Variants in KHDRBS3 observed in about 807,000 individuals in gnomAD.
KHDRBS3 encodes KH domain-containing, RNA-binding, signal transduction-associated protein 3.
In KHDRBS3, 23 loss-of-function variants were observed where a neutral mutation model predicts 45.6. The ratio of observed to expected loss-of-function variants is 0.50; its 90% confidence interval spans 0.36 to 0.72. The LOEUF (loss-of-function observed/expected upper bound fraction) is 0.72, where lower values mean the gene tolerates loss of function less well. Among genes scored for constraint, KHDRBS3 ranks in the 30% least tolerant of loss-of-function variants. The probability of loss-of-function intolerance (pLI) is 0.00; values close to 1 mark genes in which losing one functional copy is unlikely to be tolerated. For missense variants in KHDRBS3, 352 were observed against 424.8 expected (o/e 0.83, Z 1.51); for synonymous variants, 162 against 156.5 (o/e 1.04, Z -0.26).
chr8:135,580,137 A>G (rs140814383), intron 5 of KHDRBS3, among the ~76,000 whole-genome samples: 6 of 152,290 alleles, frequency 3.9e-5, no homozygotes, highest in African/African-American at 1.2e-4. Flanking sequence ...TCAGGTCCCA[A>G]CCAGTGCTCA....
intron 6 of KHDRBS3, among the ~76,000 whole-genome samples, chr8:135,587,439 T>C (rs1828531366): frequency 6.6e-6 from 1 of 152,198 alleles, no homozygotes; most frequent in South Asian, 2.1e-4. Context: ...TTTAATGTGG[T>C]TAGCTTTTTT....
At chr8:135,591,812 T>C (rs1828756296) in intron 6 of KHDRBS3, among the ~76,000 whole-genome samples, 1 of 152,226 alleles carries the variant, frequency 6.6e-6, no homozygotes, top group African/African-American at 2.4e-5. Flanking sequence ...GTGACTAGTT[T>C]GGGGATTTTT....
chr8:135,567,203 A>G (rs978450737), intron 5 of KHDRBS3, among the ~76,000 whole-genome samples: 1 of 152,044 alleles, frequency 6.6e-6, no homozygotes, highest in African/African-American at 2.4e-5. Flanking sequence ...TAATAGCACT[A>G]TTAACAATGG....
chr8:135,597,049 T>A (rs1829003251), intron 6 of KHDRBS3, among the ~76,000 whole-genome samples: 2 of 152,180 alleles, frequency 1.3e-5, no homozygotes, highest in African/African-American at 4.8e-5. Flanking sequence ...TAGATGTAAT[T>A]AGATATTTTA....
At chr8:135,638,676 G>A (rs181782610) in intron 7 of KHDRBS3, among the ~76,000 whole-genome samples, 44 of 152,308 alleles carry the variant, frequency 2.9e-4, no homozygotes, top group African/African-American at 1.0e-3. Flanking sequence ...CTAGCTGGGC[G>A]CCGTGGCTCA....
chr8:135,465,202 G>A (rs750263027), intron 1 of KHDRBS3, among the ~76,000 whole-genome samples: 47 of 152,294 alleles, frequency 3.1e-4, no homozygotes, highest in Middle Eastern at 3.4e-3. Flanking sequence ...TCCCCTGCAA[G>A]TTACTTTATT....
In KHDRBS3 at chr8:135,627,028, A is replaced by G. The variant is rs139134168; in HGVS notation, c.891-18031A>G. Among the ~76,000 whole-genome samples the G allele has an allele frequency of 1.3e-3, 195 of 152,306 alleles. 2 individuals are homozygous for G. The highest frequency in any genetic ancestry group is 4.3e-3 in the African/African-American group (178 of 41,572). On this transcript the variant is annotated intron_variant, in intron 7 of 8. Coordinates refer to ENST00000355849, the MANE Select transcript of KHDRBS3 (RefSeq NM_006558.3). ...TAAGAAAATAAGGTTAGCTATCTCT[A>G]TATCAGAAAAATACAGGGATACTCA...
intron 1 of KHDRBS3, among the ~76,000 whole-genome samples, chr8:135,467,108 C>T (rs1360761572): frequency 1.3e-5 from 2 of 152,206 alleles, no homozygotes; most frequent in South Asian, 2.1e-4. Context: ...TAAACATGTA[C>T]ACCTACTGTG....
At chr8:135,472,826 T>C (rs1822080167) in intron 1 of KHDRBS3, among the ~76,000 whole-genome samples, 1 of 152,096 alleles carries the variant, frequency 6.6e-6, no homozygotes, top group South Asian at 2.1e-4. Context: ...GCCCTGACTT[T>C]GAAGTTGTGG....
chr8:135,653,709 G>A (rs1463617163), intron 4 of KHDRBS3, among the ~76,000 whole-genome samples: 1 of 152,178 alleles, frequency 6.6e-6, no homozygotes, highest in African/African-American at 2.4e-5. Flanking sequence ...GTTTAAGGTA[G>A]GCTAAGCTAA....
intron 6 of KHDRBS3, among the ~76,000 whole-genome samples, chr8:135,584,649 C>T (rs1400481655): frequency 6.6e-6 from 1 of 152,190 alleles, no homozygotes; most frequent in Non-Finnish European, 1.5e-5. Flanking sequence ...ATATAACAAA[C>T]TTTGCTGGTA....
chr8:135,624,173 C>G (rs1224464931), intron 7 of KHDRBS3, among the ~76,000 whole-genome samples: 1 of 152,178 alleles, frequency 6.6e-6, no homozygotes, highest in Non-Finnish European at 1.5e-5. Context: ...CTTTCACTGA[C>G]CACTCCCTTT....
chr8:135,619,049 G>A (rs1830032853), intron 7 of KHDRBS3, among the ~76,000 whole-genome samples: 1 of 152,190 alleles, frequency 6.6e-6, no homozygotes, highest in Non-Finnish European at 1.5e-5. Context: ...CTAACTTGGA[G>A]CACACTGCAA....
chr8:135,469,323 C>T (rs938712682), intron 1 of KHDRBS3, among the ~76,000 whole-genome samples: 5 of 152,050 alleles, frequency 3.3e-5, no homozygotes, highest in Admixed American at 2.6e-4. Flanking sequence ...CTCGCTCTGT[C>T]GCCCAGGCTG....
In KHDRBS3 at chr8:135,548,638, G is replaced by A. The variant is rs185112479; in HGVS notation, c.325-116G>A. 151 of 805,108 alleles carry A rather than the reference G, an allele frequency of 1.9e-4. 1 individual carries two copies. The African/African-American group carries it at 1.9e-3, about 10-fold the overall frequency. 49.9% of individuals were successfully genotyped at this position (805,108 alleles called of 1,614,324 possible). A position where few individuals can be genotyped will look rare whatever the true frequency, so the allele number is the denominator to read the frequency against. On this transcript the variant is annotated intron_variant, in intron 3 of 8. Coordinates refer to ENST00000355849, the MANE Select transcript of KHDRBS3 (RefSeq NM_006558.3). ...TAGAGTAGTGTCTACTGTGACAACC[G>A]CTTGCCAGATGGATTGTTTTTATTT... is the stretch of plus-strand genomic sequence containing the variant.
At chr8:135,521,935 C>A (rs981681543) in intron 2 of KHDRBS3, among the ~76,000 whole-genome samples, 2 of 151,844 alleles carry the variant, frequency 1.3e-5, no homozygotes, top group Non-Finnish European at 2.9e-5. Flanking sequence ...CAAGTTGTTT[C>A]CTTTTCTTTT....
chr8:135,550,056 A>T (rs1037943917), intron 4 of KHDRBS3: 6 of 152,194 alleles, frequency 3.9e-5, no homozygotes, highest in African/African-American at 1.4e-4. Flanking sequence ...GTTTAATGGC[A>T]AAGAGTCAGA....
intron 1 of KHDRBS3, among the ~76,000 whole-genome samples, chr8:135,509,712 G>A (rs1474983946): frequency 1.3e-5 from 2 of 152,054 alleles, no homozygotes; most frequent in African/African-American, 2.4e-5. Context: ...TCTCTTTCCT[G>A]TCATAATGCC....
intron 7 of KHDRBS3, among the ~76,000 whole-genome samples, chr8:135,631,252 G>GA (rs35613635): frequency 0.66 from 49,284 of 74,722 alleles, 15,217 homozygotes; most frequent in East Asian, 0.9. Flanking sequence ...CTCCGTCTCG[G>GA]AAAAAAAAAA....
Sources: allele counts gnomAD v4.1 joint callset (sites outside exome capture counted in the v4.1 genomes callset), GRCh38; gene constraint gnomAD v4.1.1; transcripts MANE v1.5; gene names NCBI Gene and HGNC (gene_info 2026-07-23, HGNC 2026-07-21).